Variants in DNAJC16 observed in about 807,000 individuals in gnomAD.
DNAJC16 encodes dnaJ homolog subfamily C member 16.
DNAJC16 carries 76 observed loss-of-function variants against 92.7 expected under a neutral mutation model. The observed-to-expected ratio is 0.82, with a 90% CI of 0.68 to 0.99. The LOEUF (loss-of-function observed/expected upper bound fraction) is 0.99, where lower values mean the gene tolerates loss of function less well. Ranked by LOEUF, DNAJC16 falls within the 50% of genes least tolerant of loss-of-function variation. The probability of loss-of-function intolerance (pLI) is 0.00; values close to 1 mark genes in which losing one functional copy is unlikely to be tolerated. For missense variants in DNAJC16, 869 were observed against 942.4 expected (o/e 0.92, Z 1.02); for synonymous variants, 328 against 358.7 (o/e 0.91, Z 0.97).
intron 7 of DNAJC16, among the ~76,000 whole-genome samples, chr1:15,553,476 C>T (rs191370137): frequency 2.0e-5 from 3 of 152,250 alleles, no homozygotes; most frequent in Admixed American, 6.5e-5. Flanking sequence ...TCAGATGATC[C>T]ACCCATCTCG....
intron 7 of DNAJC16, among the ~76,000 whole-genome samples, chr1:15,555,818 C>G (rs964697967): frequency 6.6e-6 from 1 of 150,890 alleles, no homozygotes; most frequent in African/African-American, 2.4e-5. Flanking sequence ...ATGGAGAAAC[C>G]CCGTCTCTAC....
At chr1:15,538,437 G>C (rs1175349239) in intron 4 of DNAJC16, among the ~76,000 whole-genome samples, 1 of 151,930 alleles carries the variant, frequency 6.6e-6, no homozygotes, top group African/African-American at 2.4e-5. Context: ...CTAATTCCTG[G>C]CCAGGCGCAG....
At chr1:15,544,030 T>A (rs921723133) in intron 4 of DNAJC16, among the ~76,000 whole-genome samples, 1 of 152,118 alleles carries the variant, frequency 6.6e-6, no homozygotes, top group Non-Finnish European at 1.5e-5. Flanking sequence ...TGAATGTGTC[T>A]CCAGTGTTAG....
At chr1:15,547,924 G>A (rs1638349051) in intron 6 of DNAJC16, among the ~76,000 whole-genome samples, 1 of 152,112 alleles carries the variant, frequency 6.6e-6, no homozygotes, top group Admixed American at 6.5e-5. Context: ...ACTGTGACAT[G>A]AGACGGAGAG....
intron 7 of DNAJC16, among the ~76,000 whole-genome samples, chr1:15,554,566 CTT>C (rs1638522726): frequency 6.6e-6 from 1 of 152,140 alleles, no homozygotes; most frequent in Admixed American, 6.5e-5. Context: ...AATCTCCTCA[CTT>C]TGTTTTTTAG....
intron 4 of DNAJC16, among the ~76,000 whole-genome samples, chr1:15,538,454 A>G (rs1008459381): frequency 1.3e-5 from 2 of 152,114 alleles, no homozygotes; most frequent in African/African-American, 2.4e-5. Flanking sequence ...GCAGTGGCTC[A>G]TGCCTGTAAC....
intron 7 of DNAJC16, among the ~76,000 whole-genome samples, chr1:15,555,492 G>A (rs1221557187): frequency 6.6e-6 from 1 of 151,548 alleles, no homozygotes; most frequent in Non-Finnish European, 1.5e-5. Context: ...AGACCAGCCT[G>A]GCCAACATGG....
intron 4 of DNAJC16, among the ~76,000 whole-genome samples, chr1:15,543,576 T>C (rs1710985885): frequency 6.6e-6 from 1 of 152,038 alleles, no homozygotes; most frequent in African/African-American, 2.4e-5. Context: ...GGCAGAGGAG[T>C]GATGTGATCC....
chr1:15,568,709 TGTTCTGGGA>T lies in DNAJC16; in HGVS notation c.*535_*543del. 2.5e-6 allele frequency: 1 copy of T among 399,104 alleles called. No homozygotes were observed. Among genetic ancestry groups the T allele is most frequent in the Non-Finnish European group, 4.4e-6 (1 of 226,438 alleles). The allele number at this position is 399,104 out of a possible 1,614,324, so 24.7% of individuals were successfully genotyped here. On this transcript the variant is annotated 3_prime_UTR_variant, in exon 15 of 15. Transcript: ENST00000375847. Reference sequence around the variant, plus strand: ...TCCAAGCAATCTCACGTTTACTGGTTGTTCTGGGAGTAAGTGGCTAAATGTATATTTTGG... The same window carrying T: ...TCCAAGCAATCTCACGTTTACTGGTTGTAAGTGGCTAAATGTATATTTTGG...
intron 3 of DNAJC16, among the ~76,000 whole-genome samples, chr1:15,536,062 CTTTTCTTTTCTTTTTT>C (rs1710772992): frequency 2.2e-5 from 2 of 91,764 alleles, no homozygotes; most frequent in African/African-American, 6.7e-5. Context: ...CTTTTCTTTT[CTTTTCTTTTCTTTTTT>C]TTTTTTTTTT....
At chr1:15,554,646 A>T (rs917755119) in intron 7 of DNAJC16, among the ~76,000 whole-genome samples, 14 of 151,442 alleles carry the variant, frequency 9.2e-5, no homozygotes, top group Non-Finnish European at 1.9e-4. Context: ...TTTTGTATAT[A>T]TTGGTCTTTT....
At chr1:15,537,120 G>A (rs1263050487) in intron 4 of DNAJC16, among the ~76,000 whole-genome samples, 1 of 152,146 alleles carries the variant, frequency 6.6e-6, no homozygotes, top group African/African-American at 2.4e-5. Flanking sequence ...CACAGTACTG[G>A]GATGTCAGGT....
chr1:15,564,072 T>C lies in DNAJC16; in HGVS notation c.1482T>C (p.Ser494=). 6.2e-7 allele frequency: 1 copy of C among 1,613,852 alleles called. No individual in the cohort carries two copies. Among genetic ancestry groups the C allele is most frequent in the Non-Finnish European group, 8.5e-7 (1 of 1,179,662 alleles). Residue 494 remains serine, a synonymous_variant, in exon 10 of 15, where the codon TCT becomes TCC. Transcript: ENST00000375847. ...GTAAAGATCCAGCTCTTCTGTCCTC[T>C]GAAGCAGTGCTTCCTGACCTGACCG... ...QLRKDPALLS[S]EAVLPDLTDE... is the part of the protein sequence containing the mutation.
At position 15,564,124 on chromosome 1, in the gene DNAJC16, G is replaced by T. The variant is rs1336883557; in HGVS notation, c.1521+13G>T. 2 of 1,613,684 alleles carry T rather than the reference G, an allele frequency of 1.2e-6. No individual in the cohort carries two copies. Among genetic ancestry groups the T allele is most frequent in the African/African-American group, 1.3e-5 (1 of 74,946 alleles). The stretch of plus-strand genomic sequence containing the variant: ...TGAACTTGCCCCTGTGAGCATCGGG[G>T]CTGGGAAGGGTGGGACACCAGGAGG... On this transcript the variant is annotated intron_variant, in intron 10 of 14. Transcript: ENST00000375847.
intron 4 of DNAJC16, among the ~76,000 whole-genome samples, chr1:15,540,954 G>T: frequency 6.6e-6 from 1 of 152,140 alleles, no homozygotes; most frequent in East Asian, 1.9e-4. Flanking sequence ...GGTCATTGGA[G>T]GCAGTAAGAA....
chr1:15,553,322 C>T (rs1226126829), intron 7 of DNAJC16, among the ~76,000 whole-genome samples: 2 of 151,992 alleles, frequency 1.3e-5, no homozygotes, highest in Non-Finnish European at 2.9e-5. Context: ...GCAACCTCCG[C>T]CTCCCGGGTT....
At chr1:15,566,213 C>T (rs757372017) in intron 13 of DNAJC16, 33 bp downstream of exon 13, 149 of 1,546,022 alleles carry the variant, frequency 9.6e-5, no homozygotes, top group South Asian at 1.6e-4. Context: ...CTCACCTCCC[C>T]GGCACCTGCC....
chr1:15,563,663 TAA>T (rs57751838), intron 9 of DNAJC16, among the ~76,000 whole-genome samples: 1,396 of 53,178 alleles, frequency 0.026, 21 homozygotes, highest in African/African-American at 0.054. Flanking sequence ...CCATCTCTAC[TAA>T]AAAAAAAAAA....
chr1:15,536,032 G>A (rs1185466811), intron 3 of DNAJC16, among the ~76,000 whole-genome samples: 2 of 147,178 alleles, frequency 1.4e-5, no homozygotes, highest in Non-Finnish European at 3.0e-5. Flanking sequence ...TCACATAATC[G>A]TGTCATAATT....
Sources: allele counts gnomAD v4.1 joint callset (sites outside exome capture counted in the v4.1 genomes callset), GRCh38; gene constraint gnomAD v4.1.1; transcripts MANE v1.5; gene names NCBI Gene and HGNC (gene_info 2026-07-23, HGNC 2026-07-21).